Variants in WDR31 observed in about 807,000 individuals in gnomAD.
The protein encoded by WDR31 is WD repeat domain 31.
Under a neutral mutation model 47.3 loss-of-function variants are expected in WDR31, and 30 were observed. That is an observed-to-expected ratio of 0.63 (90% CI 0.47 to 0.86). The LOEUF (loss-of-function observed/expected upper bound fraction) is 0.86. WDR31 is among the 40% of genes least tolerant of loss of function. The pLI is 0.00. For synonymous variants in WDR31, 137 were observed against 159.4 expected, an observed-to-expected ratio of 0.86 and a Z score of 1.06; for missense variants, 406 against 442.9, an observed-to-expected ratio of 0.92 and a Z score of 0.75.
chr9:113,321,484 A>G (rs771146092), intron 8 of WDR31, 27 bp downstream of exon 8: 12 of 1,612,100 alleles, frequency 7.4e-6, no homozygotes, highest in Non-Finnish European at 1.0e-5. Context: ...CACAAGAAAC[A>G]CTTTCACAGC....
In WDR31 at chr9:113,337,218, G is replaced by A. The variant is rs148380978; in HGVS notation, c.-181-778C>T. On this transcript the variant is annotated intron_variant, in intron 1 of 10. Coordinates refer to ENST00000374193, the MANE Select transcript of WDR31 (RefSeq NM_001012361.4). ...CTCTCTAAGTCTCACTTTCCTATGT[G>A]TAAAATAGGATAATAACTCTATCAT... Among the ~76,000 whole-genome samples the A allele has an allele frequency of 6.4e-3, 974 of 152,234 alleles. 10 individuals carry two copies. The highest frequency in any genetic ancestry group is 0.013 in the South Asian group (61 of 4,826).
At chr9:113,329,056 C>A (rs1833537226) in intron 4 of WDR31, 101 bp from the exon 5 acceptor site, 4 of 1,115,280 alleles carry the variant, frequency 3.6e-6, no homozygotes, top group Non-Finnish European at 5.4e-6. Context: ...TCACTCACTC[C>A]CTCTCTGCTC....
rs1833153900 is a variant in WDR31, at chr9:113,314,802, G to C, written c.*1947C>G. The C allele has an allele frequency of 6.6e-6, 1 of 152,052 alleles. No homozygotes were observed. The highest frequency in any genetic ancestry group is 1.5e-5 in the Non-Finnish European group (1 of 68,048). 9.4% of individuals were successfully genotyped at this position (152,052 alleles called of 1,614,324 possible). A position where few individuals can be genotyped will look rare whatever the true frequency, so the allele number is the denominator to read the frequency against. On this transcript the variant is annotated 3_prime_UTR_variant, in exon 11 of 11. Coordinates refer to ENST00000374193, the MANE Select transcript of WDR31 (RefSeq NM_001012361.4). ...GGCTAATTTTTGTATTTTTAGTAGA[G>C]ACGGGGTTTCTCCATGTTGGTCAGG... is the stretch of plus-strand genomic sequence containing the variant.
At chr9:113,323,766 C>T (rs1833385909) in intron 5 of WDR31, among the ~76,000 whole-genome samples, 1 of 152,198 alleles carries the variant, frequency 6.6e-6, no homozygotes, top group African/African-American at 2.4e-5. Flanking sequence ...TCTTGGGCTT[C>T]CTATAGAACT....
Position 113,316,269 on chromosome 9 carries a change from G to A in WDR31, c.*480C>T, listed in dbSNP as rs41276791. ...AGCTTAATCTCATTGTCTACAGTCC[G>A]TCTCCTCTATGGAGCTGCACTATTC... On this transcript the variant is annotated 3_prime_UTR_variant, in exon 11 of 11. Transcript: ENST00000374193. 585 of 153,168 alleles carry A rather than the reference G, an allele frequency of 3.8e-3. 3 individuals carry two copies. Among genetic ancestry groups the A allele is most frequent in the Non-Finnish European group, 6.6e-3 (451 of 68,592 alleles). The allele number at this position is 153,168 out of a possible 1,614,324, so 9.5% of individuals were successfully genotyped here.
chr9:113,331,168 G>T, intron 3 of WDR31, 52 bp from the exon 4 acceptor site: 3 of 1,221,630 alleles, frequency 2.5e-6, no homozygotes, highest in Non-Finnish European at 2.2e-6. Context: ...GTGGATGGGG[G>T]TGGGGTGGGG....
chr9:113,333,440 G>A (rs1432891385), intron 2 of WDR31, among the ~76,000 whole-genome samples: 1 of 146,348 alleles, frequency 6.8e-6, no homozygotes, highest in Non-Finnish European at 1.5e-5. Flanking sequence ...GGACTGCAGT[G>A]GCGCAATCTC....
rs187883984 is a variant in WDR31, at chr9:113,330,022, A to G, written c.249+962T>C. ...AATAAAAATAAAATAAAATGTGAAA[A>G]CATGCATCTTAGAACCAGTGGAATG... On this transcript the variant is annotated intron_variant, in intron 4 of 10. Transcript: ENST00000374193. 4.3e-4 allele frequency among the ~76,000 whole-genome samples: 65 copies of G among 152,238 alleles called. No individual in the cohort carries two copies. The East Asian group carries it at 8.9e-3, about 21-fold the overall frequency.
chr9:113,316,639 C>T lies in WDR31; in HGVS notation c.*110G>A. ...GATACATCTTGTAAATGAACCTAAG[C>T]AAAGAATACCAGCCCTACATCCCAC... On this transcript the variant is annotated 3_prime_UTR_variant, in exon 11 of 11. Coordinates refer to ENST00000374193, the MANE Select transcript of WDR31 (RefSeq NM_001012361.4). 1.5e-6 allele frequency: 2 copies of T among 1,343,002 alleles called. No homozygotes were observed. The highest frequency in any genetic ancestry group is 2.0e-6 in the Non-Finnish European group (2 of 992,374). 83.2% of individuals were successfully genotyped at this position (1,343,002 alleles called of 1,614,324 possible).
rs1833595651 is a variant in WDR31, at chr9:113,331,496, T to A, written c.117-380A>T. Reference sequence around the variant, plus strand: ...CAGAGTCTCACTCTGTTGCCCAGACTGGAGTGCAGTGGCACACATGGCTCA... The same window carrying A: ...CAGAGTCTCACTCTGTTGCCCAGACAGGAGTGCAGTGGCACACATGGCTCA... On this transcript the variant is annotated intron_variant, in intron 3 of 10. Transcript: ENST00000374193. 2.0e-5 allele frequency among the ~76,000 whole-genome samples: 3 copies of A among 152,196 alleles called. No individual in the cohort carries two copies. In the South Asian group the frequency reaches 6.2e-4, roughly 32 times the overall value.
intron 10 of WDR31, 96 bp from the exon 11 acceptor site, chr9:113,317,005 T>C: frequency 7.1e-7 from 1 of 1,409,040 alleles, no homozygotes; most frequent in South Asian, 1.4e-5. Context: ...AAGCATTTGC[T>C]GTACATATCT....
intron 1 of WDR31, among the ~76,000 whole-genome samples, chr9:113,338,990 A>G (rs777279526): frequency 1.3e-5 from 2 of 152,090 alleles, no homozygotes; most frequent in African/African-American, 2.4e-5. Flanking sequence ...TCCCTTAGAG[A>G]GCAGTCACCC....
rs1686677361 is a variant in WDR31 at position 113,321,542 on chromosome 9, T to C, written c.607A>G (p.Ile203Val). 18 of 1,614,078 alleles carry C rather than the reference T, an allele frequency of 1.1e-5. No individual in the cohort carries two copies. The highest frequency in any genetic ancestry group is 1.4e-5 in the Non-Finnish European group (17 of 1,180,020). ...GTTTTATCTTCAGAGGTCTGTAGTA[T>C]GTATGGTTCTCTGGGGACCCAGCAC... ...HLCWVPREPYILQTSEDKTLR... is the reference protein window; with the variant it reads ...HLCWVPREPYVLQTSEDKTLR... The change falls in exon 8 of 11, where the codon ATA becomes GTA. Residue 203 changes from isoleucine (I) to valine (V), a missense_variant. Coordinates refer to ENST00000374193, the MANE Select transcript of WDR31 (RefSeq NM_001012361.4).
chr9:113,325,104 C>T (rs529045590), intron 5 of WDR31, among the ~76,000 whole-genome samples: 2 of 151,652 alleles, frequency 1.3e-5, no homozygotes, highest in South Asian at 2.1e-4. Flanking sequence ...TGCCACCATG[C>T]CTGGCTAATT....
intron 2 of WDR31, among the ~76,000 whole-genome samples, chr9:113,334,176 CTG>C (rs567116291): frequency 1.4e-4 from 22 of 151,846 alleles, no homozygotes; most frequent in African/African-American, 4.8e-4. Flanking sequence ...GCTAATTTTT[CTG>C]TGTTTTTTGT....
intron 5 of WDR31, among the ~76,000 whole-genome samples, chr9:113,324,275 T>C (rs1833401727): frequency 6.6e-6 from 1 of 152,178 alleles, no homozygotes; most frequent in Non-Finnish European, 1.5e-5. Flanking sequence ...TTGACTATTC[T>C]AGGTACCTCA....
intron 2 of WDR31, among the ~76,000 whole-genome samples, chr9:113,333,983 CTTCT>C (rs1306091263): frequency 3.3e-5 from 5 of 151,516 alleles, no homozygotes; most frequent in Admixed American, 6.6e-5. Context: ...CCTTCTCCTT[CTTCT>C]TTCTTTCTTT....
rs1026900735 is a variant in WDR31, at chr9:113,323,890, G to C, written c.325-735C>G. ...TACGAAGAATTTGAAGTGAATCTCT[G>C]TTCCATTTTATGCTTTTTACCTTGA... On this transcript the variant is annotated intron_variant, in intron 5 of 10. Coordinates refer to ENST00000374193, the MANE Select transcript of WDR31 (RefSeq NM_001012361.4). 5.2e-4 allele frequency among the ~76,000 whole-genome samples: 79 copies of C among 152,134 alleles called. 1 individual carries two copies. Among genetic ancestry groups the C allele is most frequent in the Admixed American group, 1.2e-3 (18 of 15,272 alleles).
intron 2 of WDR31, among the ~76,000 whole-genome samples, chr9:113,333,592 A>G (rs989063369): frequency 6.6e-6 from 1 of 150,632 alleles, no homozygotes; most frequent in Non-Finnish European, 1.5e-5. Flanking sequence ...CTTGTTAGCC[A>G]GGATGGTCTC....
Sources: allele counts gnomAD v4.1 joint callset (sites outside exome capture counted in the v4.1 genomes callset), GRCh38; gene constraint gnomAD v4.1.1; transcripts MANE v1.5; gene names NCBI Gene and HGNC (gene_info 2026-07-23, HGNC 2026-07-21).